FNBP1L: variants seen among roughly 807,000 people sequenced by gnomAD.
FNBP1L encodes the protein formin-binding protein 1-like.
Under a neutral mutation model 91.2 loss-of-function variants are expected in FNBP1L, and 36 were observed. The observed-to-expected ratio is 0.39, with a 90% CI of 0.30 to 0.52. The LOEUF is 0.52. Ranked by LOEUF, FNBP1L falls within the 20% of genes least tolerant of loss-of-function variation. The pLI, the probability that FNBP1L is intolerant of heterozygous loss-of-function variation, is 0.66. For missense variants in FNBP1L, 571 were observed against 732.1 expected (o/e 0.78, Z 2.54); for synonymous variants, 242 against 237.0 (o/e 1.02, Z -0.19).
chr1:93,521,759 A>G (rs1249668951), intron 2 of FNBP1L, among the ~76,000 whole-genome samples: 2 of 152,172 alleles, frequency 1.3e-5, no homozygotes, highest in African/African-American at 4.8e-5. Context: ...GAACCCTGGA[A>G]TACAGAGGGC....
chr1:93,517,067 C>A (rs1365690781), intron 2 of FNBP1L, among the ~76,000 whole-genome samples: 1 of 147,688 alleles, frequency 6.8e-6, no homozygotes, highest in Non-Finnish European at 1.5e-5. Flanking sequence ...TGAGACAGAG[C>A]CTTGCTCTGT....
Position 93,553,619 on chromosome 1 carries a change from A to C in FNBP1L, c.*1203A>C, listed in dbSNP as rs1672489017. 1 of 152,630 alleles carries C rather than the reference A, an allele frequency of 6.6e-6. No homozygotes were observed. The highest frequency in any genetic ancestry group is 6.5e-5 in the Admixed American group (1 of 15,280). 9.5% of individuals were successfully genotyped at this position (152,630 alleles called of 1,614,324 possible). A position where few individuals can be genotyped will look rare whatever the true frequency, so the allele number is the denominator to read the frequency against. The stretch of plus-strand genomic sequence containing the variant: ...TACAATGATAGTCTCTTTCCACGTG[A>C]TGCTTTTGTTTGAACCTGATAAAAT... On this transcript the variant is annotated 3_prime_UTR_variant, in exon 17 of 17. Coordinates refer to ENST00000271234, the MANE Select transcript of FNBP1L (RefSeq NM_001164473.3).
At chr1:93,472,391 G>A (rs993856948) in intron 1 of FNBP1L, among the ~76,000 whole-genome samples, 1 of 152,098 alleles carries the variant, frequency 6.6e-6, no homozygotes, top group African/African-American at 2.4e-5. Context: ...ATAGTAAGTG[G>A]CAGAGTGATA....
rs142719616 is a variant in FNBP1L at position 93,480,340 on chromosome 1, A to G, written c.25-19128A>G. Among the ~76,000 whole-genome samples the G allele has an allele frequency of 1.9e-3, 292 of 152,352 alleles. 2 individuals are homozygous for G. The highest frequency in any genetic ancestry group is 6.7e-3 in the African/African-American group (280 of 41,588). Reference sequence around the variant, plus strand: ...ACAATGCTGTTGTCTTTTTCTTGCCATAGCGAGTGGAAAGACTCTCCAAAA... The same window carrying G: ...ACAATGCTGTTGTCTTTTTCTTGCCGTAGCGAGTGGAAAGACTCTCCAAAA... On this transcript the variant is annotated intron_variant, in intron 1 of 16. Transcript: ENST00000271234.
intron 2 of FNBP1L, among the ~76,000 whole-genome samples, chr1:93,511,303 A>G (rs936351654): frequency 6.6e-6 from 1 of 152,220 alleles, no homozygotes; most frequent in African/African-American, 2.4e-5. Context: ...ACAATATTCA[A>G]CATTCTTAAA....
intron 1 of FNBP1L, among the ~76,000 whole-genome samples, chr1:93,469,890 T>C (rs1669226007): frequency 6.6e-6 from 1 of 152,116 alleles, no homozygotes; most frequent in Admixed American, 6.6e-5. Context: ...AGCCTGGGAA[T>C]TCAAGGTTAC....
chr1:93,463,369 A>G (rs1262207250), intron 1 of FNBP1L, among the ~76,000 whole-genome samples: 3 of 152,196 alleles, frequency 2.0e-5, no homozygotes, highest in Non-Finnish European at 4.4e-5. Context: ...TAGCTTAACA[A>G]AAAATACATG....
chr1:93,484,922 G>A (rs1669846014), intron 1 of FNBP1L, among the ~76,000 whole-genome samples: 1 of 152,160 alleles, frequency 6.6e-6, no homozygotes, highest in African/African-American at 2.4e-5. Context: ...GGAGGCCAAG[G>A]TGGGAGGATC....
chr1:93,523,398 A>G lies in FNBP1L; in HGVS notation c.249A>G (p.Ala83=), dbSNP rs1252924303. 5.6e-6 allele frequency: 9 copies of G among 1,609,346 alleles called. No homozygotes were observed. Among genetic ancestry groups the G allele is most frequent in the African/African-American group, 1.3e-5 (1 of 74,916 alleles). ...TCCTTAATGAGTTAAATGACTATGCAGGACAGCGAGAAGTTGTAGCAGAAG... is the reference window on the plus strand; with the variant it reads ...TCCTTAATGAGTTAAATGACTATGCGGGACAGCGAGAAGTTGTAGCAGAAG... ...FNILNELNDY[A]GQREVVAEEM... is the part of the protein sequence containing the mutation. The change falls in exon 4 of 17, where the codon GCA becomes GCG. Residue 83 remains alanine (A), a synonymous_variant. Transcript: ENST00000271234.
intron 1 of FNBP1L, among the ~76,000 whole-genome samples, chr1:93,469,016 G>A (rs1458736692): frequency 2.0e-5 from 3 of 151,964 alleles, no homozygotes; most frequent in African/African-American, 4.8e-5. Flanking sequence ...ATAATATTGA[G>A]CATCTTTTCT....
chr1:93,459,171 G>T (rs1220748035), intron 1 of FNBP1L, among the ~76,000 whole-genome samples: 1 of 152,118 alleles, frequency 6.6e-6, no homozygotes. Context: ...GCTACTCCAA[G>T]AATTGTTTGA....
chr1:93,498,864 G>C (rs1670353185), intron 1 of FNBP1L, among the ~76,000 whole-genome samples: 1 of 152,112 alleles, frequency 6.6e-6, no homozygotes, highest in Non-Finnish European at 1.5e-5. Flanking sequence ...ATTTTAAGAT[G>C]GGAAAACATT....
At chr1:93,538,540 G>C (rs1303931656) in intron 10 of FNBP1L, among the ~76,000 whole-genome samples, 2 of 151,948 alleles carry the variant, frequency 1.3e-5, no homozygotes, top group Non-Finnish European at 2.9e-5. Flanking sequence ...ATTACAACTT[G>C]GAGGTTGAGA....
intron 1 of FNBP1L, among the ~76,000 whole-genome samples, chr1:93,453,102 C>T (rs189062207): frequency 3.4e-4 from 52 of 152,308 alleles, no homozygotes; most frequent in African/African-American, 1.1e-3. Flanking sequence ...TATGGGACTA[C>T]CACCTTATAT....
intron 1 of FNBP1L, among the ~76,000 whole-genome samples, chr1:93,493,236 T>C (rs922681393): frequency 3.9e-5 from 6 of 151,956 alleles, no homozygotes; most frequent in African/African-American, 1.4e-4. Flanking sequence ...GTAGTCCTAG[T>C]TACTTGGGAG....
intron 1 of FNBP1L, among the ~76,000 whole-genome samples, chr1:93,480,952 C>T (rs1304100788): frequency 6.6e-6 from 1 of 151,982 alleles, no homozygotes; most frequent in East Asian, 1.9e-4. Context: ...TCACATCTTC[C>T]AATTTGTGCA....
At chr1:93,542,054 A>C (rs1672064108) in intron 11 of FNBP1L, among the ~76,000 whole-genome samples, 1 of 152,042 alleles carries the variant, frequency 6.6e-6, no homozygotes, top group African/African-American at 2.4e-5. Context: ...TTATTCAATA[A>C]TTTTTCAAGA....
At chr1:93,516,422 C>G (rs1328788497) in intron 2 of FNBP1L, among the ~76,000 whole-genome samples, 2 of 152,188 alleles carry the variant, frequency 1.3e-5, no homozygotes, top group Non-Finnish European at 2.9e-5. Context: ...CACAGGAGTT[C>G]TGGCAAGCTT....
chr1:93,543,425 G>T (rs1672115454), intron 11 of FNBP1L, among the ~76,000 whole-genome samples: 1 of 152,088 alleles, frequency 6.6e-6, no homozygotes, highest in Admixed American at 6.6e-5. Context: ...TAACAACTGA[G>T]GTATGTTATT....
Sources: allele counts gnomAD v4.1 joint callset (sites outside exome capture counted in the v4.1 genomes callset), GRCh38; gene constraint gnomAD v4.1.1; transcripts MANE v1.5; gene names NCBI Gene and HGNC (gene_info 2026-07-23, HGNC 2026-07-21).